CDH13: variants seen among roughly 807,000 people sequenced by gnomAD.
CDH13 encodes the protein cadherin-13.
CDH13 carries 24 observed loss-of-function variants against 63.8 expected under a neutral mutation model. The observed-to-expected ratio is 0.38, with a 90% CI of 0.27 to 0.53. CDH13 has a LOEUF of 0.53. Ranked by LOEUF, CDH13 falls within the 20% of genes least tolerant of loss-of-function variation. The pLI is 0.85. For missense variants in CDH13, 1,049 were observed against 903.1 expected (o/e 1.16, Z -2.07); for synonymous variants, 503 against 355.3 (o/e 1.42, Z -4.67).
intron 1 of CDH13, among the ~76,000 whole-genome samples, chr16:82,658,768 C>T (rs535758718): frequency 6.0e-4 from 92 of 152,316 alleles, no homozygotes; most frequent in African/African-American, 2.0e-3. Flanking sequence ...TGTCTTGTTT[C>T]TCTCTGTATT....
At position 82,855,237 on chromosome 16, in the gene CDH13, C is replaced by A. The variant is rs114128824; in HGVS notation, c.46-3125C>A. Among the ~76,000 whole-genome samples, 1,144 of 152,182 alleles carry A rather than the reference C, an allele frequency of 7.5e-3. 9 individuals are homozygous for A. Among genetic ancestry groups the A allele is most frequent in the African/African-American group, 0.027 (1,105 of 41,518 alleles). ...TAACTGTAGAGGAATCCTGAATGGG[C>A]CCTGCAAAGTAATCTCAGAGATTGA... On this transcript the variant is annotated intron_variant, in intron 1 of 13. Transcript: ENST00000567109.
At chr16:83,170,938 G>A (rs79764067) in intron 4 of CDH13, among the ~76,000 whole-genome samples, 9,484 of 152,008 alleles carry the variant, frequency 0.062, 529 homozygotes, top group African/African-American at 0.14. Context: ...CTCTTCCATC[G>A]TCGCTATCCT....
At chr16:82,794,438 G>A (rs971220029) in intron 1 of CDH13, among the ~76,000 whole-genome samples, 2 of 149,020 alleles carry the variant, frequency 1.3e-5, no homozygotes, top group Non-Finnish European at 3.0e-5. Flanking sequence ...TTTCTCCCTT[G>A]AGAGGGAAAT....
chr16:83,476,776 T>G (rs7498834), intron 6 of CDH13, among the ~76,000 whole-genome samples: 1 of 152,242 alleles, frequency 6.6e-6, no homozygotes, highest in African/African-American at 2.4e-5. Flanking sequence ...AGAGTTACAA[T>G]TACTTCAGGC....
At chr16:82,854,646 A>C (rs1184521205) in intron 1 of CDH13, among the ~76,000 whole-genome samples, 3 of 152,190 alleles carry the variant, frequency 2.0e-5, no homozygotes, top group Non-Finnish European at 2.9e-5. Context: ...TTCTCCCTTT[A>C]TGCAGATAAT....
chr16:83,483,083 C>G (rs1243214954), intron 6 of CDH13, among the ~76,000 whole-genome samples: 1 of 152,166 alleles, frequency 6.6e-6, no homozygotes, highest in Non-Finnish European at 1.5e-5. Context: ...AACAGGGAAA[C>G]CGAGGCTCAG....
At chr16:82,633,448 C>T (rs1010825235) in intron 1 of CDH13, among the ~76,000 whole-genome samples, 13 of 152,174 alleles carry the variant, frequency 8.5e-5, no homozygotes, top group African/African-American at 2.2e-4. Context: ...GGCGCGATGT[C>T]GGCTCACTGC....
intron 1 of CDH13, among the ~76,000 whole-genome samples, chr16:82,648,067 C>T (rs1025244021): frequency 7.9e-5 from 12 of 152,194 alleles, no homozygotes; most frequent in Admixed American, 2.0e-4. Flanking sequence ...ACTCCTCCTT[C>T]GTCTTCCACT....
At chr16:83,622,451 C>T (rs11642997) in intron 8 of CDH13, among the ~76,000 whole-genome samples, 18,900 of 152,238 alleles carry the variant, frequency 0.12, 1,267 homozygotes, top group African/African-American at 0.17. Flanking sequence ...CTATGTTGAA[C>T]ACAGCACCAT....
intron 5 of CDH13, among the ~76,000 whole-genome samples, chr16:83,232,033 C>T (rs1402486991): frequency 6.7e-6 from 1 of 150,104 alleles, no homozygotes; most frequent in African/African-American, 2.5e-5. Context: ...CACATGGACA[C>T]AAGGCGGGCT....
chr16:82,898,923 A>G (rs1271507526), intron 2 of CDH13, among the ~76,000 whole-genome samples: 3 of 152,238 alleles, frequency 2.0e-5, no homozygotes, highest in African/African-American at 7.2e-5. Context: ...TTCACTCAGT[A>G]TGTAGATATG....
intron 7 of CDH13, among the ~76,000 whole-genome samples, chr16:83,532,843 C>T (rs752496857): frequency 1.3e-5 from 2 of 152,204 alleles, no homozygotes; most frequent in African/African-American, 4.8e-5. Context: ...ATGAGCCATG[C>T]GTTGTGCCAA....
At chr16:83,239,246 G>T (rs549528867) in intron 5 of CDH13, among the ~76,000 whole-genome samples, 1 of 152,306 alleles carries the variant, frequency 6.6e-6, no homozygotes, top group Non-Finnish European at 1.5e-5. Context: ...AGAGCAGCAG[G>T]TTCAGCTCCT....
chr16:83,093,540 G>T (rs866359001), intron 3 of CDH13, among the ~76,000 whole-genome samples: 1 of 151,676 alleles, frequency 6.6e-6, no homozygotes, highest in Non-Finnish European at 1.5e-5. Flanking sequence ...GCCTGGTCTC[G>T]AACTCCTGAC....
intron 3 of CDH13, among the ~76,000 whole-genome samples, chr16:83,066,351 C>A (rs567528979): frequency 6.6e-6 from 1 of 152,238 alleles, no homozygotes; most frequent in Admixed American, 6.5e-5. Context: ...TTTTCGGAGA[C>A]ATGCAGGCTT....
At chr16:83,495,757 T>C (rs2074124625) in intron 7 of CDH13, among the ~76,000 whole-genome samples, 2 of 152,182 alleles carry the variant, frequency 1.3e-5, no homozygotes, top group Non-Finnish European at 2.9e-5. Flanking sequence ...TTGAGACTTT[T>C]TGGCTTGTAG....
chr16:83,407,693 A>T (rs1358496252), intron 6 of CDH13, among the ~76,000 whole-genome samples: 2 of 152,172 alleles, frequency 1.3e-5, no homozygotes, highest in Non-Finnish European at 2.9e-5. Flanking sequence ...CTCATTTTTA[A>T]TTTAATTCCC....
At chr16:83,630,355 C>A (rs189230396) in intron 8 of CDH13, among the ~76,000 whole-genome samples, 23 of 152,322 alleles carry the variant, frequency 1.5e-4, no homozygotes, top group African/African-American at 5.5e-4. Flanking sequence ...CATAACGCAG[C>A]CTCAGGAGGT....
intron 2 of CDH13, among the ~76,000 whole-genome samples, chr16:82,974,284 A>C (rs1362296367): frequency 1.3e-5 from 2 of 152,194 alleles, no homozygotes; most frequent in African/African-American, 4.8e-5. Flanking sequence ...GCAAACATCC[A>C]GGCTGTTATT....
Sources: allele counts gnomAD v4.1 joint callset (sites outside exome capture counted in the v4.1 genomes callset), GRCh38; gene constraint gnomAD v4.1.1; transcripts MANE v1.5; gene names NCBI Gene and HGNC (gene_info 2026-07-23, HGNC 2026-07-21).